ANKS6: variants seen among roughly 807,000 people sequenced by gnomAD.
ANKS6 encodes the protein ankyrin repeat and SAM domain-containing protein 6.
A neutral mutation model predicts 77.9 loss-of-function variants in ANKS6; 47 were observed. The observed-to-expected ratio is 0.60, with a 90% CI of 0.48 to 0.77. The LOEUF is 0.77. ANKS6 is among the 30% of genes least tolerant of loss of function. ANKS6 has a pLI of 0.00. For synonymous variants in ANKS6, 488 were observed against 501.7 expected (o/e 0.97, Z 0.37); for missense variants, 1,150 against 1,159.1 (o/e 0.99, Z 0.11).
chr9:98,759,566 C>A (rs1832903205), intron 11 of ANKS6, among the ~76,000 whole-genome samples: 1 of 152,204 alleles, frequency 6.6e-6, no homozygotes, highest in Non-Finnish European at 1.5e-5. Context: ...GTTCCCACAA[C>A]TCCCTCCTTG....
rs199751679 is a variant in ANKS6, at chr9:98,777,393, C to T, written c.1617+12G>A. 1,180 of 1,613,988 alleles carry T rather than the reference C, an allele frequency of 7.3e-4. 3 individuals carry two copies. Among genetic ancestry groups the T allele is most frequent in the Middle Eastern group, 1.3e-3 (8 of 6,062 alleles). The stretch of plus-strand genomic sequence containing the variant: ...GAGACCTAAAATGCTTTTAGAAAAG[C>T]CCCACACTCACCATGGTTGTCAATA... On this transcript the variant is annotated intron_variant, in intron 8 of 14. Coordinates refer to ENST00000353234, the MANE Select transcript of ANKS6 (RefSeq NM_173551.5).
chr9:98,775,124 C>T (rs1351157255), intron 8 of ANKS6, among the ~76,000 whole-genome samples: 1 of 152,264 alleles, frequency 6.6e-6, no homozygotes, highest in Non-Finnish European at 1.5e-5. Context: ...GCTCATCCAG[C>T]AAACGGGGTT....
intron 1 of ANKS6, among the ~76,000 whole-genome samples, chr9:98,795,128 C>T (rs1241838125): frequency 6.6e-6 from 1 of 152,080 alleles, no homozygotes; most frequent in African/African-American, 2.4e-5. Context: ...AAGGGCCAGT[C>T]GTCAACTCCT....
Position 98,733,442 on chromosome 9 carries a change from A to T in ANKS6, c.*3077T>A. The T allele has an allele frequency of 4.1e-6, 4 of 985,324 alleles. No homozygotes were observed. The highest frequency in any genetic ancestry group is 4.8e-6 in the Non-Finnish European group (4 of 829,930). The allele number at this position is 985,324 out of a possible 1,614,324, so 61.0% of individuals were successfully genotyped here. ...AGGCTGGAGAGCTCTCAGAACAGGG[A>T]CCCTGCCATCTCAAAGCAGGACCGG... On this transcript the variant is annotated 3_prime_UTR_variant, in exon 15 of 15. Coordinates refer to ENST00000353234, the MANE Select transcript of ANKS6 (RefSeq NM_173551.5).
Position 98,735,449 on chromosome 9 carries a change from T to A in ANKS6, c.*1070A>T, listed in dbSNP as rs1442316749. On this transcript the variant is annotated 3_prime_UTR_variant, in exon 15 of 15. Coordinates refer to ENST00000353234, the MANE Select transcript of ANKS6 (RefSeq NM_173551.5). ...TTTTAAAAGTCAGGGCCCCTCTAAT[T>A]TAATAAAATATGATATGGTAGGAAA... The A allele has an allele frequency of 8.3e-7, 1 of 1,203,770 alleles. No individual in the cohort carries two copies. The highest frequency in any genetic ancestry group is 1.0e-6 in the Non-Finnish European group (1 of 971,622). The allele number at this position is 1,203,770 out of a possible 1,614,324, so 74.6% of individuals were successfully genotyped here. A position where few individuals can be genotyped will look rare whatever the true frequency, so the allele number is the denominator to read the frequency against.
At chr9:98,783,053 T>A (rs112221503) in intron 4 of ANKS6, among the ~76,000 whole-genome samples, 5 of 146,012 alleles carry the variant, frequency 3.4e-5, no homozygotes, top group African/African-American at 1.3e-4. Flanking sequence ...GCTACTGCAC[T>A]CCAGTCTGGC....
chr9:98,778,903 G>T (rs1176860574), intron 6 of ANKS6, among the ~76,000 whole-genome samples: 2 of 152,194 alleles, frequency 1.3e-5, no homozygotes, highest in African/African-American at 4.8e-5. Flanking sequence ...TGCTCCTATA[G>T]CTGAGCCTCA....
At chr9:98,751,663 G>A (rs927277861) in intron 12 of ANKS6, among the ~76,000 whole-genome samples, 1 of 152,284 alleles carries the variant, frequency 6.6e-6, no homozygotes, top group Admixed American at 6.5e-5. Context: ...TCAGAACAGG[G>A]AGAATAAAGA....
Position 98,751,053 on chromosome 9 carries a change from A to G in ANKS6, c.2370T>C (p.Tyr790=), listed in dbSNP as rs747787951. The G allele has an allele frequency of 4.2e-5, 68 of 1,610,798 alleles. No homozygotes were observed. Among genetic ancestry groups the G allele is most frequent in the African/African-American group, 5.3e-5 (4 of 74,838 alleles). ...GILKKLSLEK[Y]QPIFEEQEVD... The stretch of plus-strand genomic sequence containing the variant: ...CCTCTTGTTCCTCAAAAATGGGCTG[A>G]TATTTCTCAAGTGATAATTTCTTAA... Residue 790 remains tyrosine, a synonymous_variant, in exon 13 of 15, where the codon TAT becomes TAC. Transcript: ENST00000353234.
chr9:98,751,005 G>A (rs753422488), intron 13 of ANKS6, 24 bp downstream of exon 13: 1 of 1,576,394 alleles, frequency 6.3e-7, no homozygotes, highest in Non-Finnish European at 8.6e-7. Context: ...GATTTAAATT[G>A]ACATTCAAAA....
rs990836554 is a variant in ANKS6 at position 98,736,177 on chromosome 9, C to T, written c.*342G>A. 38 of 1,171,020 alleles carry T rather than the reference C, an allele frequency of 3.2e-5. No homozygotes were observed. The highest frequency in any genetic ancestry group is 3.9e-5 in the Non-Finnish European group (37 of 947,604). 72.5% of individuals were successfully genotyped at this position (1,171,020 alleles called of 1,614,324 possible). ...TAAGAAGCAGCCGTGCCTTCTCCAT[C>T]GTCCCTTTCCCTTGCCGCCAGCCAG... On this transcript the variant is annotated 3_prime_UTR_variant, in exon 15 of 15. Transcript: ENST00000353234.
chr9:98,745,595 C>G lies in ANKS6; in HGVS notation c.2475G>C (p.Gln825His). Reference protein sequence around the residue: ...LGIKTDGSRQQILAAISELNA... With the variant: ...LGIKTDGSRQHILAAISELNA... ...TCAGTTCAGAAATCGCTGCCAGAAT[C>G]TGCTGCCTGGACCCATCTGTCTTAA... Residue 825 changes from glutamine to histidine, a missense_variant, in exon 14 of 15, where the codon CAG becomes CAC. Transcript: ENST00000353234. 1 of 1,614,208 alleles carries G rather than the reference C, an allele frequency of 6.2e-7. No individual in the cohort carries two copies.
At chr9:98,749,251 C>T (rs1052684855) in intron 13 of ANKS6, among the ~76,000 whole-genome samples, 5 of 152,206 alleles carry the variant, frequency 3.3e-5, no homozygotes, top group East Asian at 1.9e-4. Context: ...TAACCTCACA[C>T]GAACCTAACA....
At chr9:98,759,375 A>C (rs189102342) in intron 11 of ANKS6, among the ~76,000 whole-genome samples, 57 of 152,336 alleles carry the variant, frequency 3.7e-4, no homozygotes, top group Non-Finnish European at 7.4e-4. Context: ...CCAATCAATT[A>C]ATCAGTTCTG....
Position 98,778,307 on chromosome 9 carries a change from C to T in ANKS6, c.1486G>A (p.Asp496Asn). Residue 496 changes from aspartate (D) to asparagine (N), a missense_variant, in exon 7 of 15, where the codon GAC becomes AAC. By Grantham distance (23) the Asp-to-Asn change is conservative (BLOSUM62 1). Transcript: ENST00000353234. ...TGGGGGGCAGCCCTCATTGTGGAGT[C>T]CAGAGCTGGCTCAGGCTCGTCAGAG... ...PFSDEPEPAL[D>N]STMRAAPQDK... 6.2e-7 allele frequency: 1 copy of T among 1,614,148 alleles called. No individual in the cohort carries two copies. Among genetic ancestry groups the T allele is most frequent in the Non-Finnish European group, 8.5e-7 (1 of 1,180,026 alleles).
Position 98,736,120 on chromosome 9 carries a change from G to A in ANKS6, c.*399C>T, listed in dbSNP as rs1285189031. ...CCAGTGGCCAAGAGGACGTGAGCAG[G>A]AGTGATGTGTGTCAGTTAAGAGCAA... On this transcript the variant is annotated 3_prime_UTR_variant, in exon 15 of 15. Coordinates refer to ENST00000353234, the MANE Select transcript of ANKS6 (RefSeq NM_173551.5). 2.6e-6 allele frequency: 3 copies of A among 1,152,794 alleles called. No homozygotes were observed. The highest frequency in any genetic ancestry group is 3.2e-5 in the African/African-American group (2 of 62,858). The allele number at this position is 1,152,794 out of a possible 1,614,324, so 71.4% of individuals were successfully genotyped here.
chr9:98,789,413 G>C (rs1348962785), intron 2 of ANKS6, among the ~76,000 whole-genome samples: 2 of 125,594 alleles, frequency 1.6e-5, no homozygotes, highest in Non-Finnish European at 3.2e-5. Context: ...ACATGCCAGA[G>C]AGATGGCAAG....
chr9:98,736,056 T>C lies in ANKS6; in HGVS notation c.*463A>G. ...GAAGCCACTATGTGGAGACTGCACATCCTGGCCTCCTCTGCATCCAGGTGG... is the reference window on the plus strand; with the variant it reads ...GAAGCCACTATGTGGAGACTGCACACCCTGGCCTCCTCTGCATCCAGGTGG... On this transcript the variant is annotated 3_prime_UTR_variant, in exon 15 of 15. Transcript: ENST00000353234. The C allele has an allele frequency of 8.5e-7, 1 of 1,182,834 alleles. No individual in the cohort carries two copies. Among genetic ancestry groups the C allele is most frequent in the Non-Finnish European group, 1.0e-6 (1 of 956,516 alleles). 73.3% of individuals were successfully genotyped at this position (1,182,834 alleles called of 1,614,324 possible). A position where few individuals can be genotyped will look rare whatever the true frequency, so the allele number is the denominator to read the frequency against.
chr9:98,780,997 G>T (rs1834219853), intron 5 of ANKS6, among the ~76,000 whole-genome samples: 1 of 151,832 alleles, frequency 6.6e-6, no homozygotes, highest in Non-Finnish European at 1.5e-5. Context: ...CACCTCCTAG[G>T]TTCAAGCGGT....
Sources: allele counts gnomAD v4.1 joint callset (sites outside exome capture counted in the v4.1 genomes callset), GRCh38; gene constraint gnomAD v4.1.1; transcripts MANE v1.5; gene names NCBI Gene and HGNC (gene_info 2026-07-23, HGNC 2026-07-21).